ANKS1B: variants seen among roughly 807,000 people sequenced by gnomAD.
ANKS1B encodes the protein ankyrin repeat and sterile alpha motif domain-containing protein 1B.
In ANKS1B, 36 loss-of-function variants were observed where a neutral mutation model predicts 148.3. That is an observed-to-expected ratio of 0.24 (90% CI 0.19 to 0.32). The LOEUF is 0.32. Ranked by LOEUF, ANKS1B falls within the 10% of genes least tolerant of loss-of-function variation. ANKS1B has a pLI of 1.00. For missense variants in ANKS1B, 1,157 were observed against 1,542.6 expected (o/e 0.75, Z 4.19); for synonymous variants, 542 against 560.8 (o/e 0.97, Z 0.47).
intron 17 of ANKS1B, among the ~76,000 whole-genome samples, chr12:98,833,337 C>T (rs1293616364): frequency 7.2e-5 from 11 of 152,152 alleles, no homozygotes; most frequent in East Asian, 5.8e-4. Context: ...CCAAAGTATA[C>T]GTCACAAAAT....
At chr12:99,344,286 CACTT>C (rs775141586) in intron 12 of ANKS1B, among the ~76,000 whole-genome samples, 6 of 152,028 alleles carry the variant, frequency 3.9e-5, no homozygotes, top group Non-Finnish European at 7.4e-5. Context: ...CTTTTAGTCT[CACTT>C]ACAGCCTTTG....
intron 9 of ANKS1B, among the ~76,000 whole-genome samples, chr12:99,630,212 A>C (rs1161492033): frequency 6.6e-6 from 1 of 152,134 alleles, no homozygotes; most frequent in African/African-American, 2.4e-5. Flanking sequence ...GCCAGGATTC[A>C]AATCAGAATA....
intron 1 of ANKS1B, among the ~76,000 whole-genome samples, chr12:99,946,057 T>C (rs188835050): frequency 6.6e-6 from 1 of 152,288 alleles, no homozygotes; most frequent in Non-Finnish European, 1.5e-5. Context: ...TCTGGTGGTG[T>C]TAACTCACTG....
intron 3 of ANKS1B, among the ~76,000 whole-genome samples, chr12:99,808,006 A>C (rs2067856739): frequency 6.6e-6 from 1 of 152,176 alleles, no homozygotes; most frequent in African/African-American, 2.4e-5. Flanking sequence ...ATCCAAGTAG[A>C]ATTAAGATAT....
intron 22 of ANKS1B, among the ~76,000 whole-genome samples, chr12:98,784,880 G>C (rs897147697): frequency 6.6e-6 from 1 of 152,198 alleles, no homozygotes; most frequent in African/African-American, 2.4e-5. Flanking sequence ...CTGTGCACAG[G>C]CCTCTATGAA....
chr12:99,825,552 A>G (rs953462725), intron 1 of ANKS1B, among the ~76,000 whole-genome samples, 163 bp from the exon 2 acceptor site: 3 of 152,184 alleles, frequency 2.0e-5, no homozygotes, highest in African/African-American at 7.2e-5. Flanking sequence ...CAGAACATCA[A>G]CTTCATTTAT....
intron 11 of ANKS1B, among the ~76,000 whole-genome samples, chr12:99,432,093 C>T (rs1218847404): frequency 6.6e-6 from 1 of 152,210 alleles, no homozygotes; most frequent in Non-Finnish European, 1.5e-5. Flanking sequence ...TTTTCACTTT[C>T]CCTTTGACCT....
At chr12:99,115,400 T>C (rs147685742) in intron 15 of ANKS1B, among the ~76,000 whole-genome samples, 1 of 152,196 alleles carries the variant, frequency 6.6e-6, no homozygotes, top group South Asian at 2.1e-4. Context: ...TTCTCATTTG[T>C]AAGTGGGAGC....
chr12:99,115,169 A>C (rs1018379109), intron 15 of ANKS1B, among the ~76,000 whole-genome samples: 1 of 152,204 alleles, frequency 6.6e-6, no homozygotes, highest in Non-Finnish European at 1.5e-5. Context: ...AGACACATGC[A>C]TGCGATGTTT....
chr12:99,105,693 C>A (rs1394635517), intron 15 of ANKS1B, among the ~76,000 whole-genome samples: 1 of 142,024 alleles, frequency 7.0e-6, no homozygotes, highest in Admixed American at 7.4e-5. Context: ...AGCGTGAACT[C>A]GGGAGGCAGG....
intron 9 of ANKS1B, among the ~76,000 whole-genome samples, chr12:99,642,517 G>A (rs2098319595): frequency 6.6e-6 from 1 of 152,098 alleles, no homozygotes; most frequent in Admixed American, 6.6e-5. Flanking sequence ...TACTTCTGGA[G>A]GCTCTAAAAG....
chr12:99,037,332 T>C (rs1036874363), intron 17 of ANKS1B, among the ~76,000 whole-genome samples: 10 of 151,972 alleles, frequency 6.6e-5, no homozygotes, highest in African/African-American at 2.2e-4. Context: ...CTGGCCAAAA[T>C]AGTGAAACCC....
At chr12:98,986,937 T>G (rs1255000014) in intron 17 of ANKS1B, among the ~76,000 whole-genome samples, 2 of 151,824 alleles carry the variant, frequency 1.3e-5, no homozygotes, top group African/African-American at 2.4e-5. Flanking sequence ...AAGACTAGAG[T>G]CATAGTTATT....
At chr12:98,965,575 T>C (rs76098520) in intron 17 of ANKS1B, among the ~76,000 whole-genome samples, 3,952 of 152,142 alleles carry the variant, frequency 0.026, 129 homozygotes, top group African/African-American at 0.079. Context: ...AAAACACTAT[T>C]ATTTATCTTA....
intron 2 of ANKS1B, among the ~76,000 whole-genome samples, chr12:99,815,264 T>G (rs138396113): frequency 1.3e-5 from 2 of 151,856 alleles, no homozygotes; most frequent in African/African-American, 4.8e-5. Flanking sequence ...TTATGACAAG[T>G]GAAAAAACGT....
At chr12:98,904,835 GATT>G (rs979327879) in intron 17 of ANKS1B, among the ~76,000 whole-genome samples, 10 of 149,614 alleles carry the variant, frequency 6.7e-5, no homozygotes, top group Non-Finnish European at 1.2e-4. Context: ...TTTTATGTAG[GATT>G]ATTATTATTA....
At chr12:99,626,677 T>C (rs973977956) in intron 9 of ANKS1B, among the ~76,000 whole-genome samples, 3 of 152,112 alleles carry the variant, frequency 2.0e-5, no homozygotes, top group Middle Eastern at 3.2e-3. Context: ...CTGCTAGCCA[T>C]GAGGAGGCCA....
In ANKS1B at chr12:99,213,973, C is replaced by G. The variant is rs142080175; in HGVS notation, c.2419+30369G>C. ...GCTGTTGGTGGCACAGAGGACAATACTGTGTGGAAAAACTTGGGCCTCAAT... is the reference window on the plus strand; with the variant it reads ...GCTGTTGGTGGCACAGAGGACAATAGTGTGTGGAAAAACTTGGGCCTCAAT... On this transcript the variant is annotated intron_variant, in intron 14 of 26. Transcript: ENST00000683438. Among the ~76,000 whole-genome samples the G allele has an allele frequency of 1.1e-3, 165 of 152,266 alleles. 1 individual carries two copies. In the East Asian group the frequency reaches 0.027, roughly 25 times the overall value.
chr12:99,903,880 T>A (rs1253284392), intron 1 of ANKS1B, among the ~76,000 whole-genome samples: 1 of 151,902 alleles, frequency 6.6e-6, no homozygotes, highest in Admixed American at 6.6e-5. Flanking sequence ...CCACAATAAC[T>A]TATAGAAAAA....
Sources: allele counts gnomAD v4.1 joint callset (sites outside exome capture counted in the v4.1 genomes callset), GRCh38; gene constraint gnomAD v4.1.1; transcripts MANE v1.5; gene names NCBI Gene and HGNC (gene_info 2026-07-23, HGNC 2026-07-21).